Variants in ATXN7 observed in about 807,000 individuals in gnomAD.
ATXN7 encodes ataxin 7, also known as ataxin-7.
Under a neutral mutation model 70.5 loss-of-function variants are expected in ATXN7, and 12 were observed. The ratio of observed to expected loss-of-function variants is 0.17; its 90% CI spans 0.11 to 0.28. The LOEUF is 0.28. Among genes scored for constraint, ATXN7 ranks in the 10% least tolerant of loss-of-function variants. ATXN7 has a pLI of 1.00. For synonymous variants in ATXN7, 498 were observed against 448.7 expected, an observed-to-expected ratio of 1.11 and a Z score of -1.39; for missense variants, 1,256 against 1,131.7, an observed-to-expected ratio of 1.11 and a Z score of -1.58.
chr3:63,976,127 C>G (rs1222129033), intron 5 of ATXN7, among the ~76,000 whole-genome samples: 1 of 152,164 alleles, frequency 6.6e-6, no homozygotes, highest in Non-Finnish European at 1.5e-5. Context: ...ATATAGGGTC[C>G]CTAACCCCAC....
chr3:63,983,722 T>C (rs1280465676), intron 8 of ATXN7, among the ~76,000 whole-genome samples: 1 of 152,180 alleles, frequency 6.6e-6, no homozygotes, highest in Non-Finnish European at 1.5e-5. Flanking sequence ...AAAATGCCAG[T>C]ATGCTAATAA....
chr3:63,883,251 C>T (rs1380188199), intron 1 of ATXN7, among the ~76,000 whole-genome samples: 1 of 151,964 alleles, frequency 6.6e-6, no homozygotes, highest in Non-Finnish European at 1.5e-5. Flanking sequence ...CTGAATCAGA[C>T]CAAGTGAAAA....
intron 4 of ATXN7, among the ~76,000 whole-genome samples, chr3:63,935,928 A>G (rs190474800): frequency 1.3e-5 from 2 of 152,306 alleles, no homozygotes; most frequent in East Asian, 3.9e-4. Context: ...TTGCATCTTA[A>G]GTGTTGTTAG....
Position 64,001,946 on chromosome 3 carries a change from A to T in ATXN7, c.*2479A>T, listed in dbSNP as rs1293561911. On this transcript the variant is annotated 3_prime_UTR_variant, in exon 13 of 13. Coordinates refer to ENST00000674280, the MANE Select transcript of ATXN7 (RefSeq NM_001377405.1). The stretch of plus-strand genomic sequence containing the variant: ...TTGGTATCAATTTAAAACCAAGATA[A>T]TTTTTATATTCTTTCCAATAGAATT... 1 of 151,652 alleles carries T rather than the reference A, an allele frequency of 6.6e-6. No individual in the cohort carries two copies. Among genetic ancestry groups the T allele is most frequent in the Non-Finnish European group, 1.5e-5 (1 of 67,884 alleles). 9.4% of individuals were successfully genotyped at this position (151,652 alleles called of 1,614,324 possible).
chr3:63,969,020 GT>G (rs2075271095), intron 5 of ATXN7, among the ~76,000 whole-genome samples: 1 of 152,158 alleles, frequency 6.6e-6, no homozygotes, highest in South Asian at 2.1e-4. Flanking sequence ...TAGGTTCACT[GT>G]TTCTGCTTTC....
chr3:63,887,825 A>G (rs2107237855), intron 1 of ATXN7, among the ~76,000 whole-genome samples: 1 of 149,780 alleles, frequency 6.7e-6, no homozygotes, highest in East Asian at 2.0e-4. Flanking sequence ...CACCTGCCTC[A>G]GCTTCCCGAA....
rs1368374575 is a variant in ATXN7, at chr3:63,995,651, G to C, written c.1829G>C (p.Cys610Ser). 1 of 1,614,156 alleles carries C rather than the reference G, an allele frequency of 6.2e-7. No individual in the cohort carries two copies. Among genetic ancestry groups the C allele is most frequent in the East Asian group, 2.2e-5 (1 of 44,882 alleles). The change falls in exon 12 of 13, where the codon TGC becomes TCC. Residue 610 changes from cysteine to serine, a missense_variant. Cys to Ser is a moderately radical substitution (Grantham distance 112, BLOSUM62 -1). Transcript: ENST00000674280. ...TCCCCAGTCCTGCTCTCATCTACCT[G>C]CATCTCCCCAAATAGCAAATCGGTA... The part of the protein sequence containing the change: ...STSPVLLSST[C>S]ISPNSKSVPA...
At chr3:63,973,976 G>T (rs913866826) in intron 5 of ATXN7, among the ~76,000 whole-genome samples, 1 of 152,136 alleles carries the variant, frequency 6.6e-6, no homozygotes, top group Non-Finnish European at 1.5e-5. Context: ...CCAGTTAGAG[G>T]AAAGCATCCC....
At chr3:63,899,558 G>T (rs1045358588) in intron 2 of ATXN7, among the ~76,000 whole-genome samples, 10 of 151,980 alleles carry the variant, frequency 6.6e-5, no homozygotes, top group African/African-American at 1.9e-4. Context: ...GATTGCTTGA[G>T]CTCTGGAGTT....
At chr3:63,997,288 A>G (rs1325622112) in intron 12 of ATXN7, among the ~76,000 whole-genome samples, 5 of 152,150 alleles carry the variant, frequency 3.3e-5, no homozygotes, top group Non-Finnish European at 5.9e-5. Context: ...TCCCTCTCAA[A>G]AGAATTTCAG....
upstream of ATXN7, chr3:63,863,591 G>A: frequency 1.7e-6 from 2 of 1,198,210 alleles, no homozygotes; most frequent in Non-Finnish European, 2.1e-6. Context: ...GAGGAGGAAG[G>A]ACTCAGGGAA....
intron 5 of ATXN7, among the ~76,000 whole-genome samples, chr3:63,963,326 A>C (rs773458519): frequency 6.6e-6 from 1 of 152,212 alleles, no homozygotes; most frequent in Non-Finnish European, 1.5e-5. Flanking sequence ...AATATATGAA[A>C]TATATACACC....
At position 63,912,696 on chromosome 3, in the gene ATXN7, A is replaced by G. The variant is rs538503525; in HGVS notation, c.98A>G (p.Gln33Arg). 17 of 1,159,830 alleles carry G rather than the reference A, an allele frequency of 1.5e-5. No individual in the cohort carries two copies. The South Asian group carries it at 5.7e-4, about 39-fold the overall frequency. The allele number at this position is 1,159,830 out of a possible 1,614,324, so 71.8% of individuals were successfully genotyped here. A position where few individuals can be genotyped will look rare whatever the true frequency, so the allele number is the denominator to read the frequency against. Reference protein sequence around the residue: ...AAAAAARQQQQQQQQQQPPPP... With the variant: ...AAAAAARQQQRQQQQQQPPPP... ...GCCGCGGCCGCCCGGCAGCAGCAGC[A>G]GCAGCAGCAGCAGCAGCAGCCGCCG... Residue 33 changes from glutamine (Q) to arginine (R), a missense_variant, in exon 3 of 13, where the codon CAG (glutamine) becomes CGG (arginine). Coordinates refer to ENST00000674280, the MANE Select transcript of ATXN7 (RefSeq NM_001377405.1).
chr3:63,996,903 G>A (rs1003453266), intron 12 of ATXN7, among the ~76,000 whole-genome samples: 2 of 152,222 alleles, frequency 1.3e-5, no homozygotes, highest in African/African-American at 2.4e-5. Context: ...TGGTTCTTTA[G>A]TATGTTCCGC....
intron 1 of ATXN7, among the ~76,000 whole-genome samples, chr3:63,886,875 G>T (rs1268840872): frequency 2.0e-5 from 3 of 152,278 alleles, no homozygotes; most frequent in Middle Eastern, 3.4e-3. Context: ...CAGAATCAGA[G>T]AATGCAGTAT....
chr3:63,883,058 G>T (rs929371294), intron 1 of ATXN7, among the ~76,000 whole-genome samples: 2 of 152,156 alleles, frequency 1.3e-5, no homozygotes, highest in African/African-American at 2.4e-5. Context: ...ACCAAAACTT[G>T]TTGAGCCTTC....
Position 63,988,270 on chromosome 3 carries a change from A to T in ATXN7, c.1307A>T (p.Glu436Val), listed in dbSNP as rs1221369381. The T allele has an allele frequency of 3.1e-6, 5 of 1,614,034 alleles. 1 individual carries two copies. The South Asian group carries it at 5.5e-5, about 18-fold the overall frequency. Residue 436 changes from glutamate (E) to valine (V), a missense_variant, in exon 9 of 13, where the codon GAA becomes GTA. Transcript: ENST00000674280. Reference sequence around the variant, plus strand: ...AACCCTCACGGAGTGATTCCTTCCGAATCAAAGCCTTTTGTAGCTAGTAAA... The same window carrying T: ...AACCCTCACGGAGTGATTCCTTCCGTATCAAAGCCTTTTGTAGCTAGTAAA... Reference protein sequence around the residue: ...HQNPHGVIPSESKPFVASKPK... With the variant: ...HQNPHGVIPSVSKPFVASKPK...
intron 2 of ATXN7, among the ~76,000 whole-genome samples, chr3:63,902,838 C>A (rs1703695208): frequency 1.3e-5 from 2 of 151,718 alleles, no homozygotes; most frequent in Admixed American, 1.3e-4. Context: ...TTTAGAGTTT[C>A]TTCTTCAAAA....
intron 4 of ATXN7, among the ~76,000 whole-genome samples, chr3:63,938,802 T>G (rs543405940): frequency 1.4e-4 from 21 of 152,326 alleles, no homozygotes; most frequent in Middle Eastern, 3.4e-3. Flanking sequence ...CACAGGAGAT[T>G]TATCTTTATT....
Sources: gnomAD v4.1 joint callset for allele counts (sites outside exome capture counted in the v4.1 genomes callset) on GRCh38, gnomAD v4.1.1 for gene constraint, MANE v1.5 for transcripts, NCBI Gene and HGNC (gene_info 2026-07-23, HGNC 2026-07-21) for gene names.